PCLO: variants seen among roughly 807,000 people sequenced by gnomAD.
The protein encoded by PCLO is protein piccolo.
Under a neutral mutation model 427.5 loss-of-function variants are expected in PCLO, and 82 were observed. The ratio of observed to expected loss-of-function variants is 0.19; its 90% confidence interval spans 0.16 to 0.23. PCLO has a LOEUF of 0.23. Ranked by LOEUF, PCLO falls within the 10% of genes least tolerant of loss-of-function variation. The probability of loss-of-function intolerance (pLI) is 1.00; values close to 1 mark genes in which losing one functional copy is unlikely to be tolerated. For missense variants in PCLO, 6,239 were observed against 6,115.9 expected (o/e 1.02, Z -0.67); for synonymous variants, 2,357 against 2,155.4 (o/e 1.09, Z -2.59).
intron 3 of PCLO, among the ~76,000 whole-genome samples, chr7:83,038,016 T>TAAAA (rs1258795513): frequency 1.5e-4 from 8 of 54,088 alleles, no homozygotes; most frequent in Non-Finnish European, 1.5e-4. Context: ...TATATATATA[T>TAAAA]ATATATATAT....
At chr7:82,815,445 T>G (rs921142932) in intron 20 of PCLO, among the ~76,000 whole-genome samples, 1 of 151,996 alleles carries the variant, frequency 6.6e-6, no homozygotes, top group Admixed American at 6.6e-5. Context: ...TAGAAAGACA[T>G]TTGAATTAGG....
intron 3 of PCLO, among the ~76,000 whole-genome samples, chr7:83,115,974 AC>A: frequency 6.6e-6 from 1 of 152,094 alleles, no homozygotes; most frequent in South Asian, 2.1e-4. Context: ...TCACATGCAC[AC>A]ACACACACAC....
At position 82,783,069 on chromosome 7, in the gene PCLO, A is replaced by G. The variant is rs559240616; in HGVS notation, c.15007+18449T>C. Among the ~76,000 whole-genome samples the G allele has an allele frequency of 8.1e-4, 123 of 152,316 alleles. 1 individual carries two copies. Among genetic ancestry groups the G allele is most frequent in the South Asian group, 2.3e-3 (11 of 4,824 alleles). ...TGTAAAACTAGGCCTCAAAGGAGCC[A>G]GCAACTTCATCCCTTGCCTTATAGA... On this transcript the variant is annotated intron_variant, in intron 22 of 24. Transcript: ENST00000333891.
chr7:82,932,815 C>T (rs761431583), intron 6 of PCLO, among the ~76,000 whole-genome samples: 2 of 151,944 alleles, frequency 1.3e-5, no homozygotes, highest in Non-Finnish European at 2.9e-5. Flanking sequence ...AAACAAACAT[C>T]CTTAGGTTCT....
chr7:82,907,596 A>G (rs80194072), intron 8 of PCLO, among the ~76,000 whole-genome samples: 6,000 of 152,128 alleles, frequency 0.039, 405 homozygotes, highest in African/African-American at 0.14. Context: ...ACAAGCTAAT[A>G]AAAGCATAAT....
intron 14 of PCLO, 126 bp downstream of exon 14, chr7:82,841,332 TC>T (rs1792359902): frequency 4.5e-6 from 3 of 661,496 alleles, no homozygotes; most frequent in Middle Eastern, 3.2e-4. Flanking sequence ...ATTGCATTTT[TC>T]CTTTACAGTT....
chr7:82,759,716 C>G (rs1489164413), intron 24 of PCLO, among the ~76,000 whole-genome samples: 3 of 151,774 alleles, frequency 2.0e-5, no homozygotes, highest in African/African-American at 7.3e-5. Flanking sequence ...TTTCCTGTAC[C>G]ATGGTCTCTT....
chr7:82,978,869 C>A (rs868866969), intron 3 of PCLO, among the ~76,000 whole-genome samples: 1 of 150,676 alleles, frequency 6.6e-6, no homozygotes, highest in Non-Finnish European at 1.5e-5. Flanking sequence ...CACACACACA[C>A]ACACACACAC....
chr7:83,013,996 C>G (rs1209872223), intron 3 of PCLO, among the ~76,000 whole-genome samples: 1 of 152,088 alleles, frequency 6.6e-6, no homozygotes, highest in African/African-American at 2.4e-5. Flanking sequence ...ATACCACTAG[C>G]ACCTGCAAAA....
In PCLO at chr7:83,162,664, G is replaced by C; in HGVS notation, c.-72C>G. 6.8e-7 allele frequency: 1 copy of C among 1,465,224 alleles called. No individual in the cohort carries two copies. Among genetic ancestry groups the C allele is most frequent in the Non-Finnish European group, 9.0e-7 (1 of 1,113,140 alleles). 90.8% of individuals were successfully genotyped at this position (1,465,224 alleles called of 1,614,324 possible). On this transcript the variant is annotated 5_prime_UTR_variant, in exon 1 of 25. Coordinates refer to ENST00000333891, the MANE Select transcript of PCLO (RefSeq NM_033026.6). ...CCCAGTCGAGAAGCCCGCGGCCAGG[G>C]GAGCAGTCAGAGCCGGGGTCCGCCT...
intron 22 of PCLO, among the ~76,000 whole-genome samples, chr7:82,777,756 C>A (rs1466287718): frequency 6.6e-6 from 1 of 152,090 alleles, no homozygotes; most frequent in Non-Finnish European, 1.5e-5. Context: ...CAGAAATCAC[C>A]TCAAGATGGA....
intron 1 of PCLO, among the ~76,000 whole-genome samples, chr7:83,159,340 T>G (rs1387641168): frequency 6.6e-6 from 1 of 152,118 alleles, no homozygotes; most frequent in Non-Finnish European, 1.5e-5. Context: ...AATAATCAGT[T>G]CAGTCAGAAT....
At chr7:82,946,625 A>C (rs1295774384) in intron 6 of PCLO, among the ~76,000 whole-genome samples, 3 of 152,102 alleles carry the variant, frequency 2.0e-5, no homozygotes, top group African/African-American at 7.2e-5. Flanking sequence ...GGTGGGGGCA[A>C]GGTTGGCCCA....
chr7:82,780,643 G>T (rs1332757463), intron 22 of PCLO, among the ~76,000 whole-genome samples: 1 of 152,184 alleles, frequency 6.6e-6, no homozygotes. Context: ...CGCCTCCCGG[G>T]TTCTCGCCAT....
At chr7:82,946,373 T>G (rs1218313814) in intron 6 of PCLO, among the ~76,000 whole-genome samples, 1 of 152,214 alleles carries the variant, frequency 6.6e-6, no homozygotes, top group Admixed American at 6.5e-5. Flanking sequence ...TTCCTGCTCT[T>G]GTAGAGCTTA....
chr7:82,912,092 G>T (rs1794336606), intron 7 of PCLO, among the ~76,000 whole-genome samples: 1 of 151,974 alleles, frequency 6.6e-6, no homozygotes, highest in Non-Finnish European at 1.5e-5. Context: ...ATTTGGAAAA[G>T]CACACAACAA....
intron 22 of PCLO, among the ~76,000 whole-genome samples, chr7:82,784,242 A>G (rs974553262): frequency 1.3e-5 from 2 of 152,022 alleles, no homozygotes; most frequent in Non-Finnish European, 1.5e-5. Flanking sequence ...CAAGGCTTCT[A>G]TTCTCTCTCT....
chr7:83,126,691 C>G (rs1467983429), intron 3 of PCLO, among the ~76,000 whole-genome samples: 1 of 151,814 alleles, frequency 6.6e-6, no homozygotes, highest in Non-Finnish European at 1.5e-5. Context: ...TTATCTAAAA[C>G]ATAATATACA....
chr7:82,977,031 T>C (rs1341445065), intron 3 of PCLO, among the ~76,000 whole-genome samples: 1 of 152,110 alleles, frequency 6.6e-6, no homozygotes, highest in East Asian at 1.9e-4. Context: ...AAAATTATTA[T>C]TTGTAAATTA....
Sources: allele counts gnomAD v4.1 joint callset (sites outside exome capture counted in the v4.1 genomes callset), GRCh38; gene constraint gnomAD v4.1.1; transcripts MANE v1.5; gene names NCBI Gene and HGNC (gene_info 2026-07-23, HGNC 2026-07-21).